TMEM254: variants seen among roughly 807,000 people sequenced by gnomAD.
TMEM254 encodes the protein transmembrane protein 254.
A neutral mutation model predicts 13.9 loss-of-function variants in TMEM254; 16 were observed. The observed-to-expected ratio is 1.15, with a 90% CI of 0.78 to 1.75. The LOEUF is 1.75. Among genes scored for constraint, TMEM254 ranks in the 40% most tolerant of loss-of-function variants. The probability of loss-of-function intolerance (pLI) is 0.00; values close to 1 mark genes in which losing one functional copy is unlikely to be tolerated. For synonymous variants in TMEM254, 61 were observed against 56.4 expected (o/e 1.08, Z -0.36); for missense variants, 155 against 149.0 (o/e 1.04, Z -0.21).
chr10:80,088,839 CCACCT>C (rs1414138652), intron 3 of TMEM254, among the ~76,000 whole-genome samples: 1 of 151,544 alleles, frequency 6.6e-6, no homozygotes, highest in Non-Finnish European at 1.5e-5. Flanking sequence ...CTCAAGCGAT[CCACCT>C]GCGTCGGTCT....
chr10:80,089,429 G>A (rs1377791369), intron 3 of TMEM254, among the ~76,000 whole-genome samples: 2 of 151,988 alleles, frequency 1.3e-5, no homozygotes, highest in Admixed American at 1.3e-4. Flanking sequence ...CCAGCACTTC[G>A]GGAGGCTGAG....
rs1340726729 is a variant in TMEM254 at position 80,081,509 on chromosome 10, A to G, written c.88-332A>G. The G allele has an allele frequency of 9.6e-6, 6 of 626,890 alleles. No homozygotes were observed. The South Asian group carries it at 1.0e-4, about 11-fold the overall frequency. The allele number at this position is 626,890 out of a possible 1,614,324, so 38.8% of individuals were successfully genotyped here. ...TAGTGAGACCCCATCTCTATATACA[A>G]TTTTTAAAAGTAGCTGGGCATGGTG... is the stretch of plus-strand genomic sequence containing the variant. On this transcript the variant is annotated intron_variant, in intron 1 of 3. Transcript: ENST00000372281.
At chr10:80,079,984 T>C (rs572896482) in intron 1 of TMEM254, among the ~76,000 whole-genome samples, 3 of 152,266 alleles carry the variant, frequency 2.0e-5, no homozygotes, top group Non-Finnish European at 2.9e-5. Context: ...CAATAGATCC[T>C]GGAGATTGGA....
At chr10:80,086,208 A>G in intron 3 of TMEM254, 1 of 1,430,422 alleles carries the variant, frequency 7.0e-7, no homozygotes, top group South Asian at 1.5e-5. Context: ...AACTTTCTTA[A>G]AAGACTTTTG....
intron 1 of TMEM254, among the ~76,000 whole-genome samples, chr10:80,079,862 AT>A (rs1406900881): frequency 6.6e-6 from 1 of 152,082 alleles, no homozygotes; most frequent in Non-Finnish European, 1.5e-5. Flanking sequence ...ATGCCCAGCT[AT>A]TTTTTTGTGT....
chr10:80,087,916 T>G (rs956868809), intron 3 of TMEM254, among the ~76,000 whole-genome samples: 1 of 151,222 alleles, frequency 6.6e-6, no homozygotes, highest in African/African-American at 2.4e-5. Context: ...TTGGGCCTTT[T>G]GATAAACAGA....
intron 1 of TMEM254, chr10:80,079,754 C>G: frequency 2.1e-6 from 2 of 970,000 alleles, no homozygotes; most frequent in Non-Finnish European, 2.5e-6. Flanking sequence ...GCTCTGTCAC[C>G]CAGGCTGGAG....
chr10:80,086,603 G>A (rs1443617628), intron 3 of TMEM254, among the ~76,000 whole-genome samples: 4 of 152,028 alleles, frequency 2.6e-5, no homozygotes, highest in Admixed American at 2.0e-4. Context: ...AGCACTTTGG[G>A]AGGCCAAGGC....
rs1451985422 is a variant in TMEM254, at chr10:80,079,267, C to G, written c.87+481C>G. 4 of 1,223,392 alleles carry G rather than the reference C, an allele frequency of 3.3e-6. No individual in the cohort carries two copies. The African/African-American group carries it at 6.4e-5, about 20-fold the overall frequency. 75.8% of individuals were successfully genotyped at this position (1,223,392 alleles called of 1,614,324 possible). ...GGCGAGGGGAGCTCTGGGAACGGGGCCTGTGCGCACGCGCATCTGACGGTT... is the reference window on the plus strand; with the variant it reads ...GGCGAGGGGAGCTCTGGGAACGGGGGCTGTGCGCACGCGCATCTGACGGTT... On this transcript the variant is annotated intron_variant, in intron 1 of 3. Transcript: ENST00000372281.
rs1424336911 is a variant in TMEM254, at chr10:80,091,589, C to G, written c.*672C>G. 1 of 152,562 alleles carries G rather than the reference C, an allele frequency of 6.6e-6. No individual in the cohort carries two copies. Among genetic ancestry groups the G allele is most frequent in the Non-Finnish European group, 1.5e-5 (1 of 68,324 alleles). 9.5% of individuals were successfully genotyped at this position (152,562 alleles called of 1,614,324 possible). On this transcript the variant is annotated 3_prime_UTR_variant, in exon 4 of 4. Transcript: ENST00000372281. ...TGCAGCCGGAAGTGATCCTTCCCTC[C>G]ACCTGGCCCCTGGGACACTGTGCTC... is the stretch of plus-strand genomic sequence containing the variant.
chr10:80,078,826 G>A, intron 1 of TMEM254, 40 bp downstream of exon 1: 4 of 1,562,212 alleles, frequency 2.6e-6, no homozygotes, highest in South Asian at 1.2e-5. Context: ...TGACGAACGA[G>A]CGAGCGCTCG....
At chr10:80,079,223 G>C in intron 1 of TMEM254, 1 of 1,268,214 alleles carries the variant, frequency 7.9e-7, no homozygotes, top group Middle Eastern at 3.0e-4. Context: ...CTCTGTTTTG[G>C]CCCGCCGGGC....
At chr10:80,079,209 G>C (rs764868444) in intron 1 of TMEM254, 1 of 1,280,016 alleles carries the variant, frequency 7.8e-7, no homozygotes, top group South Asian at 1.3e-5. Context: ...GGGGCGGGGC[G>C]GGCCTCTGTT....
chr10:80,089,059 TATACCC>T (rs1185597777), intron 3 of TMEM254, among the ~76,000 whole-genome samples: 3 of 152,114 alleles, frequency 2.0e-5, no homozygotes, highest in Non-Finnish European at 4.4e-5. Flanking sequence ...ATATTGACCT[TATACCC>T]AGCAATCTTG....
At chr10:80,089,679 G>GC (rs1219216084) in intron 3 of TMEM254, among the ~76,000 whole-genome samples, 1 of 65,036 alleles carries the variant, frequency 1.5e-5, no homozygotes, top group Non-Finnish European at 4.0e-5. Flanking sequence ...CCCCATCTCT[G>GC]GGGGGGTTGG....
chr10:80,080,544 G>C (rs1459098264), intron 1 of TMEM254, among the ~76,000 whole-genome samples: 2 of 152,188 alleles, frequency 1.3e-5, no homozygotes, highest in Non-Finnish European at 2.9e-5. Flanking sequence ...TTAAACAGAG[G>C]TTTGGCTGGA....
intron 1 of TMEM254, among the ~76,000 whole-genome samples, chr10:80,080,334 G>A (rs1390925223): frequency 6.6e-6 from 1 of 152,210 alleles, no homozygotes; most frequent in Non-Finnish European, 1.5e-5. Flanking sequence ...TTTTGAAACT[G>A]TTGAGTTATT....
intron 3 of TMEM254, among the ~76,000 whole-genome samples, chr10:80,083,167 C>T (rs1255266848): frequency 2.2e-5 from 3 of 136,310 alleles, no homozygotes; most frequent in Non-Finnish European, 4.5e-5. Context: ...AGTGCAGTGG[C>T]GCAATCTTGG....
chr10:80,089,425 C>CTT lies in TMEM254; in HGVS notation c.252-1371_252-1370dup, dbSNP rs113393761. Among the ~76,000 whole-genome samples the CTT allele has an allele frequency of 4.9e-3, 743 of 152,266 alleles. 9 individuals are homozygous for CTT. Among genetic ancestry groups the CTT allele is most frequent in the African/African-American group, 0.017 (703 of 41,554 alleles). ...GTGGCTCACACCTGTAATCCCAGCA[C>CTT]TTCGGGAGGCTGAGGTGGGAGAATC... is the stretch of plus-strand genomic sequence containing the variant. On this transcript the variant is annotated intron_variant, in intron 3 of 3. Coordinates refer to ENST00000372281, the MANE Select transcript of TMEM254 (RefSeq NM_025125.4).
Sources: gnomAD v4.1 joint callset for allele counts (sites outside exome capture counted in the v4.1 genomes callset) on GRCh38, gnomAD v4.1.1 for gene constraint, MANE v1.5 for transcripts, NCBI Gene and HGNC (gene_info 2026-07-23, HGNC 2026-07-21) for gene names.